Variants in HSDL1 observed in about 807,000 individuals in gnomAD.
The protein encoded by HSDL1 is inactive hydroxysteroid dehydrogenase-like protein 1.
A neutral mutation model predicts 31.5 loss-of-function variants in HSDL1; 29 were observed. That is an observed-to-expected ratio of 0.92 (90% CI 0.69 to 1.26). The LOEUF (loss-of-function observed/expected upper bound fraction) is 1.26. Ranked by LOEUF, HSDL1 falls within the 50% of genes most tolerant of loss-of-function variation. The pLI, the probability that HSDL1 is intolerant of heterozygous loss-of-function variation, is 0.00. For synonymous variants in HSDL1, 222 were observed against 155.2 expected, an observed-to-expected ratio of 1.43 and a Z score of -3.20; for missense variants, 503 against 416.6, an observed-to-expected ratio of 1.21 and a Z score of -1.81.
At chr16:84,136,193 TCTC>T (rs746363269) in intron 1 of HSDL1, among the ~76,000 whole-genome samples, 49 of 152,200 alleles carry the variant, frequency 3.2e-4, no homozygotes, top group Non-Finnish European at 5.3e-4. Context: ...ACCTGTCTAA[TCTC>T]CTGGCAGGGT....
intron 2 of HSDL1, among the ~76,000 whole-genome samples, 195 bp from the exon 3 acceptor site, chr16:84,131,522 T>TCA (rs1567520883): frequency 3.6e-5 from 5 of 140,770 alleles, no homozygotes; most frequent in African/African-American, 1.0e-4. Flanking sequence ...TCTATCTATC[T>TCA]ATCTATCTAT....
intron 1 of HSDL1, among the ~76,000 whole-genome samples, chr16:84,139,638 G>A (rs1446843053): frequency 1.3e-5 from 2 of 152,182 alleles, no homozygotes; most frequent in Non-Finnish European, 2.9e-5. Flanking sequence ...CAGCCACAGG[G>A]GATAAGGATA....
chr16:84,130,980 A>G (rs1314031030), intron 3 of HSDL1, 122 bp downstream of exon 3: 63 of 772,272 alleles, frequency 8.2e-5, no homozygotes, highest in Non-Finnish European at 1.1e-5. Context: ...TCACGGCAGG[A>G]GCCATAAGTT....
At chr16:84,135,885 C>A (rs867585637) in intron 1 of HSDL1, among the ~76,000 whole-genome samples, 3 of 152,220 alleles carry the variant, frequency 2.0e-5, no homozygotes, top group African/African-American at 7.2e-5. Context: ...TCCTAGGGAA[C>A]ATTTCATCAA....
intron 3 of HSDL1, chr16:84,130,859 G>A: frequency 2.1e-6 from 1 of 473,956 alleles, no homozygotes; most frequent in Non-Finnish European, 3.7e-6. Flanking sequence ...ATAGTAGGAA[G>A]TGGGTCTGGA....
chr16:84,140,977 G>A (rs1039021626), intron 1 of HSDL1, among the ~76,000 whole-genome samples: 9 of 151,432 alleles, frequency 5.9e-5, no homozygotes, highest in African/African-American at 2.2e-4. Context: ...TGTAGTCCCA[G>A]CTACTCGGGA....
chr16:84,142,892 T>C (rs1413566762), intron 1 of HSDL1, among the ~76,000 whole-genome samples: 4 of 152,250 alleles, frequency 2.6e-5, no homozygotes, highest in East Asian at 3.8e-4. Context: ...ATGACAAAGT[T>C]AGCATTGGTG....
chr16:84,138,588 A>T (rs1457729062), intron 1 of HSDL1, among the ~76,000 whole-genome samples: 1 of 152,228 alleles, frequency 6.6e-6, no homozygotes, highest in Admixed American at 6.5e-5. Flanking sequence ...AAATTTATAT[A>T]ATTTTATTTG....
chr16:84,135,619 C>T lies in HSDL1; in HGVS notation c.-68-14G>A, dbSNP rs1567522564. 6.6e-6 allele frequency: 1 copy of T among 152,194 alleles called. No homozygotes were observed. Among genetic ancestry groups the T allele is most frequent in the East Asian group, 1.9e-4 (1 of 5,194 alleles). The allele number at this position is 152,194 out of a possible 1,614,324, so 9.4% of individuals were successfully genotyped here. On this transcript the variant is annotated splice_polypyrimidine_tract_variant and intron_variant, in intron 1 of 5. Coordinates refer to ENST00000219439, the MANE Select transcript of HSDL1 (RefSeq NM_031463.5). Reference sequence around the variant, plus strand: ...CTTAAGGCCAATCTGTGAATAAAACCAACAAGAAACAAATGCCTTTCCTCT... The same window carrying T: ...CTTAAGGCCAATCTGTGAATAAAACTAACAAGAAACAAATGCCTTTCCTCT...
At chr16:84,139,052 G>A (rs185490622) in intron 1 of HSDL1, among the ~76,000 whole-genome samples, 1 of 152,214 alleles carries the variant, frequency 6.6e-6, no homozygotes, top group South Asian at 2.1e-4. Context: ...GTGTGACGTG[G>A]GGCGGGTGGT....
Position 84,145,131 on chromosome 16 carries a change from C to T in HSDL1, c.-120G>A, listed in dbSNP as rs1042571059. 2 of 191,056 alleles carry T rather than the reference C, an allele frequency of 1.0e-5. No individual in the cohort carries two copies. The highest frequency in any genetic ancestry group is 1.9e-4 in the South Asian group (1 of 5,348). The allele number at this position is 191,056 out of a possible 1,614,324, so 11.8% of individuals were successfully genotyped here. ...CGGTCCCGCCAGACCCGCGCGGCCGCCGCCCCCGTCTCGGCCGCCGGAGCT... is the reference window on the plus strand; with the variant it reads ...CGGTCCCGCCAGACCCGCGCGGCCGTCGCCCCCGTCTCGGCCGCCGGAGCT... On this transcript the variant is annotated 5_prime_UTR_variant, in exon 1 of 6. Coordinates refer to ENST00000219439, the MANE Select transcript of HSDL1 (RefSeq NM_031463.5).
chr16:84,142,021 G>C lies in HSDL1; in HGVS notation c.-69+3059C>G, dbSNP rs369183992. Among the ~76,000 whole-genome samples the C allele has an allele frequency of 2.1e-4, 32 of 151,818 alleles. 1 individual carries two copies. Among genetic ancestry groups the C allele is most frequent in the East Asian group, 9.8e-4 (5 of 5,096 alleles). ...CAGCTCACTGCAACCTCCGCCTTCC[G>C]GGCTCAAGCCATCCTCCCACCTCAG... On this transcript the variant is annotated intron_variant, in intron 1 of 5. Transcript: ENST00000219439.
Position 84,131,085 on chromosome 16 carries a change from A to C in HSDL1, c.220+17T>G. ...CGACTTCACAGAAAAGATTATTTTG[A>C]TTATAAAGTAGGTTACCGCTGACAA... On this transcript the variant is annotated intron_variant, in intron 3 of 5. Transcript: ENST00000219439. 1.3e-6 allele frequency: 2 copies of C among 1,575,840 alleles called. No individual in the cohort carries two copies. The highest frequency in any genetic ancestry group is 1.7e-6 in the Non-Finnish European group (2 of 1,151,168).
chr16:84,138,956 A>G (rs2086738727), intron 1 of HSDL1, among the ~76,000 whole-genome samples: 1 of 152,206 alleles, frequency 6.6e-6, no homozygotes, highest in African/African-American at 2.4e-5. Context: ...AGGGCAATCA[A>G]CTCAAATAGA....
Position 84,123,495 on chromosome 16 carries a change from G to T in HSDL1, c.*1135C>A, listed in dbSNP as rs574152326. The T allele has an allele frequency of 1.3e-5, 2 of 152,338 alleles. No homozygotes were observed. The highest frequency in any genetic ancestry group is 1.9e-4 in the East Asian group (1 of 5,192). The allele number at this position is 152,338 out of a possible 1,614,324, so 9.4% of individuals were successfully genotyped here. On this transcript the variant is annotated 3_prime_UTR_variant, in exon 6 of 6. Transcript: ENST00000219439. The stretch of plus-strand genomic sequence containing the variant: ...AGGTTTCAATGTTAACGCGTATTGT[G>T]AGGGTTTGTGCATAATTATCTTCAC...
intron 5 of HSDL1, chr16:84,124,975 C>A (rs191336825): frequency 1.2e-4 from 23 of 191,572 alleles, no homozygotes; most frequent in African/African-American, 7.5e-4. Flanking sequence ...CCACCAATCA[C>A]AATACACACC....
chr16:84,128,786 C>A (rs927653643), intron 5 of HSDL1, among the ~76,000 whole-genome samples: 2 of 151,880 alleles, frequency 1.3e-5, no homozygotes, highest in African/African-American at 2.4e-5. Context: ...TGGCTCACTG[C>A]AACCTCCGCC....
intron 5 of HSDL1, among the ~76,000 whole-genome samples, chr16:84,126,423 C>G (rs1036279477): frequency 1.3e-5 from 2 of 152,114 alleles, no homozygotes; most frequent in Non-Finnish European, 2.9e-5. Flanking sequence ...GTGGATGCTA[C>G]TGGTATCTAG....
intron 5 of HSDL1, among the ~76,000 whole-genome samples, chr16:84,128,248 C>T (rs147884411): frequency 0.013 from 1,942 of 151,166 alleles, 27 homozygotes; most frequent in Non-Finnish European, 0.022. Flanking sequence ...AAGATCGCAC[C>T]ATTACACTCC....
Sources: allele counts gnomAD v4.1 joint callset (sites outside exome capture counted in the v4.1 genomes callset), GRCh38; gene constraint gnomAD v4.1.1; transcripts MANE v1.5; gene names NCBI Gene and HGNC (gene_info 2026-07-23, HGNC 2026-07-21).